The following IP6K2 variants were observed in gnomAD, a reference collection of about 807,000 sequenced individuals.
The protein encoded by IP6K2 is inositol hexakisphosphate kinase 2.
Under a neutral mutation model 43.3 loss-of-function variants are expected in IP6K2, and 9 were observed. The ratio of observed to expected loss-of-function variants is 0.21; its 90% CI spans 0.13 to 0.36. IP6K2 has a LOEUF of 0.36. IP6K2 is among the 10% of genes least tolerant of loss of function. IP6K2 has a pLI of 1.00. For missense variants in IP6K2, 332 were observed against 538.4 expected (o/e 0.62, Z 3.79); for synonymous variants, 209 against 202.4 (o/e 1.03, Z -0.28).
intron 2 of IP6K2, chr3:48,694,237 T>C (rs1559515209): frequency 6.4e-7 from 1 of 1,551,548 alleles, no homozygotes; most frequent in East Asian, 2.4e-5. Flanking sequence ...CCTTTGGCTT[T>C]GTCCTGGAAA....
In IP6K2 at chr3:48,688,425, C is replaced by A; in HGVS notation, c.1129G>T (p.Val377Leu). 7 of 1,614,230 alleles carry A rather than the reference C, an allele frequency of 4.3e-6. No individual in the cohort carries two copies. The highest frequency in any genetic ancestry group is 5.9e-6 in the Non-Finnish European group (7 of 1,180,036). Residue 377 changes from valine (V) to leucine (L), a missense_variant, in exon 6 of 6, where the codon GTA (valine) becomes TTA (leucine). Transcript: ENST00000328631. The surrounding 1 kb of genome is among the most constrained non-coding windows in gnomAD (Gnocchi z 5.1). ...GCAAAGTCGATCATGCGCACATCTA[C>A]AGAGCTGGCGCCGATGGGTTTGTAG... ...YAYKPIGASS[V>L]DVRMIDFAHT...
intron 2 of IP6K2, chr3:48,694,220 C>A: frequency 6.4e-7 from 1 of 1,551,528 alleles, no homozygotes; most frequent in East Asian, 2.4e-5. Flanking sequence ...GGCCAGCTAA[C>A]AAGGGGCCTT....
At chr3:48,691,558 G>A (rs574302202) in intron 3 of IP6K2, 76 bp from the exon 4 acceptor site, 2 of 1,121,868 alleles carry the variant, frequency 1.8e-6, no homozygotes, top group South Asian at 2.9e-5. Flanking sequence ...GCTCATGCCT[G>A]TAATCCCAGC....
chr3:48,715,106 CACAA>C, intron 1 of IP6K2, among the ~76,000 whole-genome samples: 1 of 152,080 alleles, frequency 6.6e-6, no homozygotes, highest in Middle Eastern at 3.4e-3. Flanking sequence ...TTATATGGTA[CACAA>C]ATAGGCAAAA....
intron 3 of IP6K2, among the ~76,000 whole-genome samples, chr3:48,692,744 C>T (rs1275626419): frequency 6.6e-6 from 1 of 152,226 alleles, no homozygotes; most frequent in Non-Finnish European, 1.5e-5. Flanking sequence ...CTTACAGCTG[C>T]CAGTGCAGCT....
intron 1 of IP6K2, among the ~76,000 whole-genome samples, chr3:48,703,671 T>G (rs1021591102): frequency 6.6e-6 from 1 of 151,934 alleles, no homozygotes; most frequent in Non-Finnish European, 1.5e-5. Flanking sequence ...GAGCCAAGAT[T>G]GCACCACTGC....
At chr3:48,714,255 CAG>C (rs1465836784) in intron 1 of IP6K2, among the ~76,000 whole-genome samples, 1 of 152,164 alleles carries the variant, frequency 6.6e-6, no homozygotes, top group Non-Finnish European at 1.5e-5. Flanking sequence ...TTAGTAGAGA[CAG>C]GGTTTCACCA....
Position 48,693,150 on chromosome 3 carries a change from C to T in IP6K2, c.232G>A (p.Glu78Lys). 6.2e-7 allele frequency: 1 copy of T among 1,614,188 alleles called. No individual in the cohort carries two copies. Among genetic ancestry groups the T allele is most frequent in the Non-Finnish European group, 8.5e-7 (1 of 1,180,024 alleles). ...GVVSVRFEED[E>K]DRNLCLIAYP... ...GCTATTAGACACAAGTTCCTGTCTT[C>T]ATCTTCTTCAAAGCGCACAGATACC... Residue 78 changes from glutamate to lysine, a missense_variant, in exon 3 of 6, where the codon GAA (glutamate) becomes AAA (lysine). Coordinates refer to ENST00000328631, the MANE Select transcript of IP6K2 (RefSeq NM_016291.4).
intron 1 of IP6K2, chr3:48,715,366 C>T (rs1413429325): frequency 6.5e-7 from 1 of 1,536,168 alleles, no homozygotes; most frequent in Non-Finnish European, 8.7e-7. Flanking sequence ...TGCCTAGATA[C>T]CAGTGACATC....
chr3:48,701,663 C>T (rs1575673550), intron 1 of IP6K2, among the ~76,000 whole-genome samples: 2 of 150,034 alleles, frequency 1.3e-5, no homozygotes, highest in Non-Finnish European at 3.0e-5. Flanking sequence ...TTTGGGAGGC[C>T]GAGGCAGGTG....
chr3:48,716,306 G>C (rs1298011914), intron 1 of IP6K2: 7 of 152,154 alleles, frequency 4.6e-5, no homozygotes, highest in Non-Finnish European at 1.0e-4. Flanking sequence ...AACTATTCAA[G>C]ATGATTTTTT....
chr3:48,696,309 C>A (rs538211688), intron 1 of IP6K2, among the ~76,000 whole-genome samples: 1 of 152,072 alleles, frequency 6.6e-6, no homozygotes, highest in Non-Finnish European at 1.5e-5. Context: ...AGGCCAAAGA[C>A]GAGCCCCATT....
intron 1 of IP6K2, among the ~76,000 whole-genome samples, chr3:48,707,609 A>G (rs745311650): frequency 3.9e-5 from 6 of 152,006 alleles, no homozygotes; most frequent in Non-Finnish European, 8.8e-5. Flanking sequence ...TAATTTTTAT[A>G]TATTTTTTAG....
rs546489929 is a variant in IP6K2 at position 48,704,359 on chromosome 3, GATGA to G, written c.-130-8942_-130-8939del. Among the ~76,000 whole-genome samples the G allele has an allele frequency of 4.5e-3, 678 of 152,256 alleles. 7 individuals are homozygous for G. Among genetic ancestry groups the G allele is most frequent in the African/African-American group, 0.015 (626 of 41,550 alleles). On this transcript the variant is annotated intron_variant, in intron 1 of 5. Transcript: ENST00000328631. The stretch of plus-strand genomic sequence containing the variant: ...TTCGCCTCCACATCCAGCAATAGGA[GATGA>G]ATGAAACAAAAATATTTTTTTCATT...
chr3:48,710,931 G>A (rs2080437182), intron 1 of IP6K2, among the ~76,000 whole-genome samples: 1 of 151,936 alleles, frequency 6.6e-6, no homozygotes, highest in African/African-American at 2.4e-5. Flanking sequence ...TTTTAACACA[G>A]GGTCTCACTC....
intron 2 of IP6K2, chr3:48,694,514 T>G (rs1464903201): frequency 6.5e-7 from 1 of 1,538,910 alleles, no homozygotes; most frequent in Admixed American, 2.2e-5. Context: ...TGCTGGTGGC[T>G]GCTGATGTCC....
chr3:48,694,014 C>CCG, intron 2 of IP6K2: 1 of 1,389,688 alleles, frequency 7.2e-7, no homozygotes, highest in Non-Finnish European at 9.4e-7. Context: ...AACACCTTTC[C>CCG]TCCCAGGCCT....
intron 1 of IP6K2, among the ~76,000 whole-genome samples, chr3:48,711,916 A>T (rs2080564295): frequency 6.6e-6 from 1 of 152,142 alleles, no homozygotes; most frequent in African/African-American, 2.4e-5. Context: ...GGCACCCCAT[A>T]AAAGCACGCA....
intron 1 of IP6K2, among the ~76,000 whole-genome samples, chr3:48,713,668 CATTA>C (rs1408124354): frequency 1.3e-5 from 2 of 151,992 alleles, no homozygotes; most frequent in Non-Finnish European, 2.9e-5. Flanking sequence ...AAGCAAACAA[CATTA>C]ATTAGCCGGG....
Sources: allele counts gnomAD v4.1 joint callset (sites outside exome capture counted in the v4.1 genomes callset), GRCh38; gene constraint gnomAD v4.1.1; non-coding constraint Gnocchi (gnomAD v3.1); transcripts MANE v1.5; gene names NCBI Gene and HGNC (gene_info 2026-07-23, HGNC 2026-07-21).